Variants in SAMMSON observed in about 807,000 individuals in gnomAD.
SAMMSON encodes the protein long intergenic non-protein coding RNA 1212.
intron 3 of SAMMSON, among the ~76,000 whole-genome samples, chr3:70,036,596 A>G (rs986914151): frequency 3.3e-5 from 5 of 152,142 alleles, no homozygotes; most frequent in Admixed American, 2.0e-4. Flanking sequence ...CTTCTACTGG[A>G]CAAAAAGCTG....
intron 2 of SAMMSON, among the ~76,000 whole-genome samples, chr3:70,418,195 C>T (rs955629441): frequency 6.6e-6 from 1 of 152,176 alleles, no homozygotes; most frequent in African/African-American, 2.4e-5. Flanking sequence ...TTCAGAGGAG[C>T]AGTGTACAAT....
At chr3:70,223,454 A>G (rs1325768642) in intron 4 of SAMMSON, among the ~76,000 whole-genome samples, 1 of 152,242 alleles carries the variant, frequency 6.6e-6, no homozygotes, top group Non-Finnish European at 1.5e-5. Flanking sequence ...ATGAGATAGA[A>G]TTAAAAATGA....
chr3:70,219,835 G>T (rs1370875156), intron 4 of SAMMSON, among the ~76,000 whole-genome samples: 4 of 152,036 alleles, frequency 2.6e-5, no homozygotes, highest in Non-Finnish European at 5.9e-5. Context: ...AAACTCAAAG[G>T]TCAGAACATA....
At chr3:70,246,435 A>G (rs1701708858) in intron 4 of SAMMSON, among the ~76,000 whole-genome samples, 3 of 152,068 alleles carry the variant, frequency 2.0e-5, no homozygotes, top group African/African-American at 7.2e-5. Flanking sequence ...TGGTCCACTG[A>G]AACAACATAG....
At chr3:70,070,159 G>T (rs2067224521) in intron 3 of SAMMSON, 1 of 151,978 alleles carries the variant, frequency 6.6e-6, no homozygotes, top group Admixed American at 6.6e-5. Flanking sequence ...TGAAGTAATT[G>T]TAGGCTCATA....
intron 7 of SAMMSON, among the ~76,000 whole-genome samples, chr3:70,323,696 T>C (rs1394387924): frequency 6.6e-5 from 10 of 152,148 alleles, no homozygotes; most frequent in Admixed American, 5.2e-4. Context: ...TTTATTACAT[T>C]GGGAAGAAGA....
At chr3:70,114,132 C>T (rs1206982648) in intron 4 of SAMMSON, among the ~76,000 whole-genome samples, 2 of 152,154 alleles carry the variant, frequency 1.3e-5, no homozygotes, top group Non-Finnish European at 2.9e-5. Context: ...AGTTTTGTGC[C>T]CTCCAGAGGA....
intron 7 of SAMMSON, among the ~76,000 whole-genome samples, chr3:70,292,929 C>T (rs1702252650): frequency 6.7e-6 from 1 of 148,636 alleles, no homozygotes; most frequent in Non-Finnish European, 1.5e-5. Context: ...AATTATCTAA[C>T]AAGAAAAACA....
intron 4 of SAMMSON, among the ~76,000 whole-genome samples, chr3:70,144,518 G>A (rs2067540284): frequency 6.6e-6 from 1 of 152,040 alleles, no homozygotes; most frequent in Non-Finnish European, 1.5e-5. Context: ...ATCTCCCCCT[G>A]TGGAATCCTG....
At chr3:70,307,123 A>G (rs1702409422) in intron 7 of SAMMSON, among the ~76,000 whole-genome samples, 1 of 152,142 alleles carries the variant, frequency 6.6e-6, no homozygotes, top group African/African-American at 2.4e-5. Context: ...GAAGCTGCAA[A>G]CTGGCAGTCT....
At chr3:70,344,991 CCTT>C (rs759878986) in intron 7 of SAMMSON, among the ~76,000 whole-genome samples, 14 of 152,104 alleles carry the variant, frequency 9.2e-5, no homozygotes, top group Non-Finnish European at 1.9e-4. Context: ...CGGTTCTAGA[CCTT>C]CTTAGTTGGC....
chr3:70,305,677 A>G (rs1212833684), intron 7 of SAMMSON, among the ~76,000 whole-genome samples: 4 of 152,252 alleles, frequency 2.6e-5, no homozygotes, highest in African/African-American at 9.6e-5. Context: ...TGCATATTTC[A>G]GAATTCTATT....
In SAMMSON at chr3:70,336,920, A is replaced by G. The variant is rs545195075; in HGVS notation, n.740-17255A>G. On this transcript the variant is annotated intron_variant and non_coding_transcript_variant, in intron 7 of 9. Coordinates refer to ENST00000642114, the Ensembl canonical transcript of SAMMSON. ...TAGAGCTCCTACCAGGGGTTCATCTATTACTAGCTATTCCGGGACCACCAC... is the reference window on the plus strand; with the variant it reads ...TAGAGCTCCTACCAGGGGTTCATCTGTTACTAGCTATTCCGGGACCACCAC... Among the ~76,000 whole-genome samples, 87 of 149,144 alleles carry G rather than the reference A, an allele frequency of 5.8e-4. 1 individual carries two copies. Among genetic ancestry groups the G allele is most frequent in the Non-Finnish European group, 1.0e-3 (69 of 67,242 alleles).
rs1037523263 is a variant in SAMMSON, at chr3:70,370,413, T to C, written n.913+12089T>C. 7.9e-5 allele frequency among the ~76,000 whole-genome samples: 12 copies of C among 152,030 alleles called. 1 individual carries two copies. On this transcript the variant is annotated intron_variant and non_coding_transcript_variant, in intron 9 of 9. Coordinates refer to ENST00000642114, the Ensembl canonical transcript of SAMMSON. ...GGTTTTCCGTGGTGGGTTCTAATTT[T>C]CAGTCCCATCAACAGTGTATAAGAC...
At chr3:70,289,747 G>T (rs1201658825) in intron 6 of SAMMSON, among the ~76,000 whole-genome samples, 1 of 151,920 alleles carries the variant, frequency 6.6e-6, no homozygotes, top group Non-Finnish European at 1.5e-5. Flanking sequence ...TTCTTGGAGG[G>T]TTTGCTCGTT....
chr3:70,309,189 G>T (rs971796839), intron 7 of SAMMSON, among the ~76,000 whole-genome samples: 15 of 152,096 alleles, frequency 9.9e-5, no homozygotes, highest in Non-Finnish European at 2.2e-4. Flanking sequence ...CTCAAAGACC[G>T]AGGTTGGAGA....
chr3:70,418,228 T>G (rs1361136311), intron 2 of SAMMSON, among the ~76,000 whole-genome samples: 1 of 152,086 alleles, frequency 6.6e-6, no homozygotes, highest in Non-Finnish European at 1.5e-5. Context: ...CTCCCATAAG[T>G]AACGTAATGT....
intron 3 of SAMMSON, among the ~76,000 whole-genome samples, chr3:70,037,819 G>A (rs1244116793): frequency 6.6e-6 from 1 of 152,106 alleles, no homozygotes; most frequent in East Asian, 1.9e-4. Context: ...ATTGACCTAA[G>A]GTGACATGAA....
In SAMMSON at chr3:70,192,363, C is replaced by T. The variant is rs139136055; in HGVS notation, n.508-56744C>T. Among the ~76,000 whole-genome samples, 3 of 152,330 alleles carry T rather than the reference C, an allele frequency of 2.0e-5. No individual in the cohort carries two copies. In the East Asian group the frequency reaches 5.8e-4, roughly 29 times the overall value. ...AGATAACCCTTTGGCTGAGGGTCCT[C>T]CTCAGTTGCCAATCAAGATGTGAAG... is the stretch of plus-strand genomic sequence containing the variant. On this transcript the variant is annotated intron_variant and non_coding_transcript_variant, in intron 4 of 9. Transcript: ENST00000642114.
Sources: allele counts gnomAD v4.1 joint callset (sites outside exome capture counted in the v4.1 genomes callset), GRCh38; gene constraint gnomAD v4.1.1; transcripts MANE v1.5; gene names NCBI Gene and HGNC (gene_info 2026-07-23, HGNC 2026-07-21).